The following ZNF783 variants were observed in gnomAD, a reference collection of about 807,000 sequenced individuals.
ZNF783 encodes the protein protein ZNF783.
In ZNF783, 25 loss-of-function variants were observed where a neutral mutation model predicts 31.3. The observed-to-expected ratio is 0.80, with a 90% CI of 0.58 to 1.11. ZNF783 has a LOEUF of 1.11. Ranked by LOEUF, ZNF783 falls within the 50% of genes most tolerant of loss-of-function variation. The probability of loss-of-function intolerance (pLI) is 0.00; values close to 1 mark genes in which losing one functional copy is unlikely to be tolerated. For missense variants in ZNF783, 797 were observed against 760.0 expected (o/e 1.05, Z -0.57); for synonymous variants, 369 against 319.1 (o/e 1.16, Z -1.66).
At chr7:149,277,609 G>T (rs1797362316) in intron 4 of ZNF783, among the ~76,000 whole-genome samples, 1 of 151,938 alleles carries the variant, frequency 6.6e-6, no homozygotes, top group Admixed American at 6.6e-5. Context: ...GCATGGTAAT[G>T]GGCGTCTGTA....
In ZNF783 at chr7:149,282,024, G is replaced by C; in HGVS notation, c.1322G>C (p.Cys441Ser). ...AASKMYHCSE[C>S]LRFFQQRKSL... ...AGCAAGATGTACCACTGCAGCGAGT[G>C]CCTGCGCTTCTTCCAGCAGCGCAAG... The change falls in exon 6 of 6, where the codon TGC (cysteine) becomes TCC (serine). Residue 441 changes from cysteine (C) to serine (S), a missense_variant. By Grantham distance (112) the Cys-to-Ser change is moderately radical. Coordinates refer to ENST00000434415, the MANE Select transcript of ZNF783 (RefSeq NM_001195220.2). 1 of 1,586,938 alleles carries C rather than the reference G, an allele frequency of 6.3e-7. No individual in the cohort carries two copies. Among genetic ancestry groups the C allele is most frequent in the South Asian group, 1.1e-5 (1 of 89,590 alleles).
At chr7:149,271,774 A>T (rs1289569759) in intron 4 of ZNF783, among the ~76,000 whole-genome samples, 2 of 152,200 alleles carry the variant, frequency 1.3e-5, no homozygotes, top group Non-Finnish European at 2.9e-5. Context: ...AATAACACAG[A>T]GATATATTTG....
At chr7:149,275,217 A>C (rs1797299151) in intron 4 of ZNF783, among the ~76,000 whole-genome samples, 1 of 152,004 alleles carries the variant, frequency 6.6e-6, no homozygotes, top group South Asian at 2.1e-4. Context: ...TTGGCATATA[A>C]AAAGGCTACT....
chr7:149,273,218 G>A (rs1797248599), intron 4 of ZNF783, among the ~76,000 whole-genome samples: 2 of 152,212 alleles, frequency 1.3e-5, no homozygotes, highest in African/African-American at 4.8e-5. Flanking sequence ...ACATGGGAGT[G>A]CAGATACCTC....
chr7:149,270,287 T>C, intron 4 of ZNF783, among the ~76,000 whole-genome samples: 1 of 152,186 alleles, frequency 6.6e-6, no homozygotes, highest in Non-Finnish European at 1.5e-5. Context: ...CGCCACCATA[T>C]CCGGCTAATT....
intron 1 of ZNF783, among the ~76,000 whole-genome samples, chr7:149,263,142 TG>T (rs1384345498): frequency 5.3e-5 from 8 of 151,930 alleles, no homozygotes; most frequent in Non-Finnish European, 1.0e-4. Flanking sequence ...TTGGCCAGGC[TG>T]GTCTCGAACC....
In ZNF783 at chr7:149,284,559, G is replaced by C. The variant is rs1797558620; in HGVS notation, c.*2216G>C. 6.6e-6 allele frequency: 1 copy of C among 152,288 alleles called. No homozygotes were observed. The highest frequency in any genetic ancestry group is 6.5e-5 in the Admixed American group (1 of 15,292). The allele number at this position is 152,288 out of a possible 1,614,324, so 9.4% of individuals were successfully genotyped here. A position where few individuals can be genotyped will look rare whatever the true frequency, so the allele number is the denominator to read the frequency against. ...TGCAGGTGCACGAGTTTAACCCTCA[G>C]CTGCAGGAGCTAGTCTCAGGTGTTC... On this transcript the variant is annotated 3_prime_UTR_variant, in exon 6 of 6. Coordinates refer to ENST00000434415, the MANE Select transcript of ZNF783 (RefSeq NM_001195220.2).
intron 4 of ZNF783, chr7:149,276,357 A>G (rs1340176177): frequency 3.0e-6 from 3 of 989,134 alleles, no homozygotes; most frequent in Non-Finnish European, 3.6e-6. Context: ...TGTAGGAAGG[A>G]TCCAAAGATG....
Position 149,283,763 on chromosome 7 carries a change from T to C in ZNF783, c.*1420T>C, listed in dbSNP as rs1585624857. 1 of 152,264 alleles carries C rather than the reference T, an allele frequency of 6.6e-6. No homozygotes were observed. The highest frequency in any genetic ancestry group is 1.9e-4 in the East Asian group (1 of 5,198). 9.4% of individuals were successfully genotyped at this position (152,264 alleles called of 1,614,324 possible). ...TCTGTCAAAGGGGTCATGGCCCCAG[T>C]GTGTCCTACCTCAGAGTTGTCAGGG... On this transcript the variant is annotated 3_prime_UTR_variant, in exon 6 of 6. Transcript: ENST00000434415.
chr7:149,277,508 A>C (rs973535851), intron 4 of ZNF783: 1 of 152,106 alleles, frequency 6.6e-6, no homozygotes, highest in Admixed American at 6.6e-5. Context: ...TGGGAGGCCA[A>C]GAGGGTGGAT....
chr7:149,276,246 C>A, intron 4 of ZNF783: 2 of 695,342 alleles, frequency 2.9e-6, no homozygotes, highest in Non-Finnish European at 3.5e-6. Flanking sequence ...TTCACTTAGA[C>A]TGTTCTGTTT....
Position 149,281,580 on chromosome 7 carries a change from C to G in ZNF783, c.878C>G (p.Ser293Cys), listed in dbSNP as rs919072447. The G allele has an allele frequency of 2.4e-5, 36 of 1,522,346 alleles. No individual in the cohort carries two copies. Among genetic ancestry groups the G allele is most frequent in the Non-Finnish European group, 3.0e-5 (35 of 1,149,124 alleles). The allele number at this position is 1,522,346 out of a possible 1,614,324, so 94.3% of individuals were successfully genotyped here. The change falls in exon 6 of 6, where the codon TCC (serine) becomes TGC (cysteine). Residue 293 changes from serine (S) to cysteine (C), a missense_variant. Physicochemically the swap from Ser to Cys is moderately radical, Grantham distance 112. Transcript: ENST00000434415. ...MTPERLFLGV[S>C]RGQTECRIPR... ...CCTGAGCGGCTCTTTCTGGGGGTGT[C>G]CCGAGGCCAGACCGAGTGTAGAATC...
chr7:149,283,360 C>G lies in ZNF783; in HGVS notation c.*1017C>G, dbSNP rs1331951357. The G allele has an allele frequency of 2.0e-5, 3 of 152,238 alleles. No homozygotes were observed. The highest frequency in any genetic ancestry group is 7.2e-5 in the African/African-American group (3 of 41,436). The allele number at this position is 152,238 out of a possible 1,614,324, so 9.4% of individuals were successfully genotyped here. Reference sequence around the variant, plus strand: ...GTGTGTTTCTTGGCCCAGAGTGACTCCCAGTATTCCTAGTCCTTCCCCACA... The same window carrying G: ...GTGTGTTTCTTGGCCCAGAGTGACTGCCAGTATTCCTAGTCCTTCCCCACA... On this transcript the variant is annotated 3_prime_UTR_variant, in exon 6 of 6. Coordinates refer to ENST00000434415, the MANE Select transcript of ZNF783 (RefSeq NM_001195220.2).
intron 4 of ZNF783, chr7:149,278,161 C>T (rs912076200): frequency 7.7e-7 from 1 of 1,295,556 alleles, no homozygotes; most frequent in Admixed American, 3.2e-5. Flanking sequence ...GCCTGGCGAT[C>T]ATTACCGTGA....
At position 149,284,837 on chromosome 7, in the gene ZNF783, G is replaced by T. The variant is rs1478068644; in HGVS notation, c.*2494G>T. On this transcript the variant is annotated 3_prime_UTR_variant, in exon 6 of 6. Transcript: ENST00000434415. Reference sequence around the variant, plus strand: ...TGAGGGTGCCCCAGACTCAGTGGGAGCCCTGGTTGGGCCCCAAACTCTCCC... The same window carrying T: ...TGAGGGTGCCCCAGACTCAGTGGGATCCCTGGTTGGGCCCCAAACTCTCCC... 1 of 152,202 alleles carries T rather than the reference G, an allele frequency of 6.6e-6. No individual in the cohort carries two copies. The highest frequency in any genetic ancestry group is 2.1e-4 in the South Asian group (1 of 4,828). 9.4% of individuals were successfully genotyped at this position (152,202 alleles called of 1,614,324 possible). A position where few individuals can be genotyped will look rare whatever the true frequency, so the allele number is the denominator to read the frequency against.
Position 149,264,830 on chromosome 7 carries a change from G to A in ZNF783, c.25-1505G>A, listed in dbSNP as rs1264415806. On this transcript the variant is annotated intron_variant, in intron 1 of 5. Transcript: ENST00000434415. ...GGAGGTTGCAGTGAGCCGAGATTGCGCCACTGTACCCCAGCCTGGGCGACA... is the reference window on the plus strand; with the variant it reads ...GGAGGTTGCAGTGAGCCGAGATTGCACCACTGTACCCCAGCCTGGGCGACA... Among the ~76,000 whole-genome samples the A allele has an allele frequency of 6.3e-5, 9 of 143,892 alleles. No homozygotes were observed. In the South Asian group the frequency reaches 6.5e-4, roughly 10 times the overall value. The allele number at this position is 143,892 out of a possible 152,430, so 94.4% of individuals were successfully genotyped here.
Position 149,266,316 on chromosome 7 carries a change from T to TTTCTC in ZNF783, c.25-14_25-10dup, listed in dbSNP as rs750793151. The TTTCTC allele has an allele frequency of 1.6e-4, 250 of 1,526,552 alleles. 4 individuals are homozygous for TTTCTC. The East Asian group carries it at 4.9e-3, about 30-fold the overall frequency. The allele number at this position is 1,526,552 out of a possible 1,614,324, so 94.6% of individuals were successfully genotyped here. ...TGTATAATTCTCATAACATCTCTCT[T>TTTCTC]TTCTCTTCTTGTGAGCAGGACCCCG... On this transcript the variant is annotated intron_variant, in intron 1 of 5. Transcript: ENST00000434415.
At chr7:149,273,114 G>A (rs908451267) in intron 4 of ZNF783, among the ~76,000 whole-genome samples, 2 of 151,826 alleles carry the variant, frequency 1.3e-5, no homozygotes, top group African/African-American at 4.8e-5. Flanking sequence ...TTACTCTATT[G>A]TGTATATGTA....
At chr7:149,274,756 A>G (rs1178000763) in intron 4 of ZNF783, among the ~76,000 whole-genome samples, 1 of 151,866 alleles carries the variant, frequency 6.6e-6, no homozygotes, top group Non-Finnish European at 1.5e-5. Flanking sequence ...CTGTTGTTCT[A>G]TTTGTCTTTT....
Sources: gnomAD v4.1 joint callset for allele counts (sites outside exome capture counted in the v4.1 genomes callset) on GRCh38, gnomAD v4.1.1 for gene constraint, MANE v1.5 for transcripts, NCBI Gene and HGNC (gene_info 2026-07-23, HGNC 2026-07-21) for gene names.